SPMIP6: variants seen among roughly 807,000 people sequenced by gnomAD.
The protein encoded by SPMIP6 is sperm microtubule inner protein 6.
the SPMIP6 span, chr9:34,379,625 G>A: frequency 1.2e-6 from 2 of 1,606,760 alleles, no homozygotes; most frequent in East Asian, 4.5e-5. The surrounding 1 kb of genome is among the most constrained non-coding windows in gnomAD (Gnocchi z 4.2). Flanking sequence ...GTGCAAATGA[G>A]TGTGTGCGCG....
the SPMIP6 span, among the ~76,000 whole-genome samples, chr9:34,382,405 A>G: frequency 1.3e-5 from 2 of 152,120 alleles, no homozygotes; most frequent in South Asian, 4.1e-4. Context: ...CCAACATGGC[A>G]AGATCCCCGT....
the SPMIP6 span, among the ~76,000 whole-genome samples, chr9:34,379,459 C>T: frequency 6.6e-6 from 1 of 152,236 alleles, no homozygotes; most frequent in Non-Finnish European, 1.5e-5. This position sits in a 1 kb window ranked among gnomAD's most constrained non-coding sequence, Gnocchi z 4.2. Context: ...GGCCTCCTAG[C>T]CCTCTCTTAA....
the SPMIP6 span, chr9:34,379,610 T>C: frequency 6.3e-7 from 1 of 1,575,554 alleles, no homozygotes; most frequent in South Asian, 1.1e-5. The surrounding 1 kb of genome is among the most constrained non-coding windows in gnomAD (Gnocchi z 4.2). Flanking sequence ...GCCTTCAGGG[T>C]GCGTGTGCAA....
chr9:34,381,030 G>A, the SPMIP6 span: 1 of 1,611,772 alleles, frequency 6.2e-7, no homozygotes, highest in Non-Finnish European at 8.5e-7. This position sits in a 1 kb window ranked among gnomAD's most constrained non-coding sequence, Gnocchi z 4.4. Flanking sequence ...TGGAAGGGCA[G>A]GCGGCCGGGC....
chr9:34,391,234 TTC>T, the SPMIP6 span, among the ~76,000 whole-genome samples: 1 of 152,170 alleles, frequency 6.6e-6, no homozygotes, highest in Non-Finnish European at 1.5e-5. Flanking sequence ...GTTCAGAACG[TTC>T]TCTTACTTTT....
chr9:34,381,760 GTCTC>G, the SPMIP6 span: 1 of 985,386 alleles, frequency 1.0e-6, no homozygotes, highest in Non-Finnish European at 1.2e-6. The surrounding 1 kb of genome is among the most constrained non-coding windows in gnomAD (Gnocchi z 4.4). Flanking sequence ...GTGTCTGGGT[GTCTC>G]TCTAATAGGG....
At chr9:34,393,723 C>A in the SPMIP6 span, among the ~76,000 whole-genome samples, 1 of 151,924 alleles carries the variant, frequency 6.6e-6, no homozygotes, top group African/African-American at 2.4e-5. Flanking sequence ...GGGATCTTCT[C>A]ATTCTGTCTT....
chr9:34,396,329 A>C, the SPMIP6 span, among the ~76,000 whole-genome samples: 1 of 152,154 alleles, frequency 6.6e-6, no homozygotes, highest in African/African-American at 2.4e-5. Context: ...ATTATTTTAA[A>C]AATTCTCTCC....
At chr9:34,394,885 A>G in the SPMIP6 span, among the ~76,000 whole-genome samples, 1 of 152,166 alleles carries the variant, frequency 6.6e-6, no homozygotes. Context: ...TTTATTCAGA[A>G]CTTAAGTTGT....
At chr9:34,379,807 C>T in the SPMIP6 span, 2 of 1,193,456 alleles carry the variant, frequency 1.7e-6, no homozygotes, top group Admixed American at 1.9e-5. The surrounding 1 kb of genome is among the most constrained non-coding windows in gnomAD (Gnocchi z 4.2). Context: ...GACCAAGCCC[C>T]TGGGCGGCGC....
At chr9:34,391,512 A>G in the SPMIP6 span, among the ~76,000 whole-genome samples, 1 of 152,084 alleles carries the variant, frequency 6.6e-6, no homozygotes, top group African/African-American at 2.4e-5. Context: ...TTAGACAAGG[A>G]TTTAGGGATA....
At chr9:34,388,307 A>ATT in the SPMIP6 span, among the ~76,000 whole-genome samples, 24,768 of 133,712 alleles carry the variant, frequency 0.19, 2,682 homozygotes, top group East Asian at 0.44. Context: ...CTCCCAGCTA[A>ATT]TTTTTTTTTT....
the SPMIP6 span, among the ~76,000 whole-genome samples, chr9:34,390,452 T>C: frequency 9.9e-5 from 15 of 152,206 alleles, no homozygotes; most frequent in African/African-American, 3.1e-4. Context: ...TAAGATCTCA[T>C]GTCCATTTCT....
the SPMIP6 span, among the ~76,000 whole-genome samples, chr9:34,391,915 TG>T: frequency 6.7e-6 from 1 of 150,180 alleles, no homozygotes; most frequent in African/African-American, 2.5e-5. Context: ...TTTTGGGGGT[TG>T]GGGATGTCTG....
the SPMIP6 span, among the ~76,000 whole-genome samples, chr9:34,391,035 C>T: frequency 2.6e-5 from 4 of 152,256 alleles, no homozygotes; most frequent in East Asian, 1.9e-4. Context: ...AACTGTTCTT[C>T]GAGCATTTGA....
chr9:34,379,083 C>A, the SPMIP6 span: 3 of 1,599,838 alleles, frequency 1.9e-6, no homozygotes, highest in Admixed American at 3.3e-5. The surrounding 1 kb of genome is among the most constrained non-coding windows in gnomAD (Gnocchi z 4.2). Context: ...GCTCTACCAG[C>A]AACGATAGTC....
the SPMIP6 span, among the ~76,000 whole-genome samples, chr9:34,385,377 C>T: frequency 0.011 from 1,593 of 151,540 alleles, 19 homozygotes; most frequent in African/African-American, 0.032. Context: ...ACTGAAAATA[C>T]AAAAATTAGC....
chr9:34,380,278 G>A, the SPMIP6 span, among the ~76,000 whole-genome samples: 1 of 152,168 alleles, frequency 6.6e-6, no homozygotes, highest in African/African-American at 2.4e-5. Context: ...CTGCAGTCTG[G>A]GCTCCAGCTG....
the SPMIP6 span, among the ~76,000 whole-genome samples, chr9:34,388,162 T>C: frequency 4.3e-5 from 6 of 140,314 alleles, no homozygotes; most frequent in Non-Finnish European, 9.2e-5. Context: ...TTTTTTTAGA[T>C]GGAGTTTCGC....
Sources: allele counts gnomAD v4.1 joint callset (sites outside exome capture counted in the v4.1 genomes callset), GRCh38; gene constraint gnomAD v4.1.1; non-coding constraint Gnocchi (gnomAD v3.1); transcripts MANE v1.5; gene names NCBI Gene and HGNC (gene_info 2026-07-23, HGNC 2026-07-21).